The following TAFA5 variants were observed in gnomAD, a reference collection of about 807,000 sequenced individuals.
The protein encoded by TAFA5 is chemokine-like protein TAFA-5.
TAFA5 carries 6 observed loss-of-function variants against 15.3 expected under a neutral mutation model. The ratio of observed to expected loss-of-function variants is 0.39; its 90% confidence interval spans 0.21 to 0.77. TAFA5 has a LOEUF of 0.77. Ranked by LOEUF, TAFA5 falls within the 30% of genes least tolerant of loss-of-function variation. TAFA5 has a pLI of 0.41. For missense variants in TAFA5, 161 were observed against 193.1 expected (o/e 0.83, Z 0.98); for synonymous variants, 103 against 80.7 (o/e 1.28, Z -1.48).
chr22:48,750,376 C>G lies in TAFA5; in HGVS notation c.*529C>G, dbSNP rs1359521282. 1.3e-5 allele frequency: 2 copies of G among 154,006 alleles called. No homozygotes were observed. Among genetic ancestry groups the G allele is most frequent in the Admixed American group, 6.5e-5 (1 of 15,366 alleles). 9.5% of individuals were successfully genotyped at this position (154,006 alleles called of 1,614,324 possible). A position where few individuals can be genotyped will look rare whatever the true frequency, so the allele number is the denominator to read the frequency against. On this transcript the variant is annotated 3_prime_UTR_variant, in exon 4 of 4. Transcript: ENST00000402357. Reference sequence around the variant, plus strand: ...GGACGCACCCTCACTGTCAGGGTCCCTGGGGTCGCTTGTGCGGGCGGGAGG... The same window carrying G: ...GGACGCACCCTCACTGTCAGGGTCCGTGGGGTCGCTTGTGCGGGCGGGAGG...
intron 2 of TAFA5, among the ~76,000 whole-genome samples, chr22:48,650,314 A>G (rs190829720): frequency 4.1e-3 from 629 of 152,264 alleles, no homozygotes; most frequent in South Asian, 0.024. Context: ...TTAATTATTC[A>G]TACATTTGCT....
At chr22:48,625,945 T>G (rs75524370) in intron 1 of TAFA5, among the ~76,000 whole-genome samples, 4,577 of 152,354 alleles carry the variant, frequency 0.03, 99 homozygotes, top group Middle Eastern at 0.071. Flanking sequence ...GGATTCATAG[T>G]GCATGCAGCC....
chr22:48,745,505 G>A (rs1033329082), intron 3 of TAFA5, among the ~76,000 whole-genome samples: 4 of 151,072 alleles, frequency 2.6e-5, no homozygotes, highest in Admixed American at 2.6e-4. Context: ...GGTTCACCCT[G>A]AGCATGGGCA....
intron 1 of TAFA5, among the ~76,000 whole-genome samples, chr22:48,534,539 G>C (rs1922084836): frequency 6.6e-6 from 1 of 152,172 alleles, no homozygotes; most frequent in Non-Finnish European, 1.5e-5. Flanking sequence ...TGGAGGGCAG[G>C]GCCTGAGGGA....
intron 2 of TAFA5, among the ~76,000 whole-genome samples, chr22:48,695,107 G>A (rs1181807994): frequency 6.6e-6 from 1 of 151,918 alleles, no homozygotes; most frequent in Non-Finnish European, 1.5e-5. Context: ...GAGGCCAGGT[G>A]GTGTGTGTGT....
At position 48,742,707 on chromosome 22, in the gene TAFA5, G is replaced by A. The variant is rs1930216940; in HGVS notation, c.391-7132G>A. ...TGTGATGGACCAGGCGACGTGGTGG[G>A]CCGGGTGGTGTGGTGAAGCCGGCAG... On this transcript the variant is annotated intron_variant, in intron 3 of 3. Transcript: ENST00000402357. This position sits in a 1 kb window ranked among gnomAD's most constrained non-coding sequence, Gnocchi z 6.2. 6.6e-6 allele frequency among the ~76,000 whole-genome samples: 1 copy of A among 152,072 alleles called. No homozygotes were observed. Among genetic ancestry groups the A allele is most frequent in the Non-Finnish European group, 1.5e-5 (1 of 68,012 alleles).
At chr22:48,575,713 C>T (rs1030185085) in intron 1 of TAFA5, among the ~76,000 whole-genome samples, 5 of 144,948 alleles carry the variant, frequency 3.4e-5, no homozygotes, top group African/African-American at 1.2e-4. Context: ...GCTGGGAGCG[C>T]AGAGGCCGGC....
intron 1 of TAFA5, among the ~76,000 whole-genome samples, chr22:48,606,934 TCGCTTC>T: frequency 6.6e-6 from 1 of 151,690 alleles, no homozygotes; most frequent in African/African-American, 2.4e-5. Flanking sequence ...TGTCCAGGTT[TCGCTTC>T]CACTCTGTGC....
At chr22:48,707,968 GC>G in intron 3 of TAFA5, 124 bp downstream of exon 3, 4 of 1,313,874 alleles carry the variant, frequency 3.0e-6, no homozygotes, top group Non-Finnish European at 4.2e-6. Flanking sequence ...ATGCAGAGAG[GC>G]CAGGGCCCTG....
chr22:48,612,587 C>G (rs891106030), intron 1 of TAFA5, among the ~76,000 whole-genome samples: 1 of 152,126 alleles, frequency 6.6e-6, no homozygotes, highest in African/African-American at 2.4e-5. Flanking sequence ...GAGGTGCCCC[C>G]GCCCCACCTG....
intron 1 of TAFA5, among the ~76,000 whole-genome samples, chr22:48,532,672 G>A (rs142614489): frequency 6.6e-4 from 100 of 152,252 alleles, no homozygotes; most frequent in Non-Finnish European, 1.1e-3. Context: ...TAATGCAGCC[G>A]CCATCTCACA....
chr22:48,630,237 C>T (rs1447882022), intron 1 of TAFA5, among the ~76,000 whole-genome samples: 1 of 152,148 alleles, frequency 6.6e-6, no homozygotes, highest in African/African-American at 2.4e-5. Flanking sequence ...CGCTGCTGGG[C>T]ATCTCTGGTT....
At chr22:48,519,546 A>G (rs2147106272) in intron 1 of TAFA5, among the ~76,000 whole-genome samples, 1 of 151,616 alleles carries the variant, frequency 6.6e-6, no homozygotes, top group Non-Finnish European at 1.5e-5. Context: ...TTGAATGCAG[A>G]CTCGGGGTGT....
chr22:48,610,398 C>T (rs962450686), intron 1 of TAFA5, among the ~76,000 whole-genome samples: 2 of 152,252 alleles, frequency 1.3e-5, no homozygotes, highest in Non-Finnish European at 2.9e-5. Flanking sequence ...TCGCCTTGCG[C>T]CCTGGCCGGC....
At chr22:48,675,216 T>C (rs1048940378) in intron 2 of TAFA5, among the ~76,000 whole-genome samples, 2 of 152,200 alleles carry the variant, frequency 1.3e-5, no homozygotes, top group Non-Finnish European at 2.9e-5. Flanking sequence ...TCTGTGGCCT[T>C]TTAAGAAAAA....
At chr22:48,686,123 TC>T (rs898458233) in intron 2 of TAFA5, among the ~76,000 whole-genome samples, 1 of 152,118 alleles carries the variant, frequency 6.6e-6, no homozygotes, top group Admixed American at 6.5e-5. Context: ...CAAAGCTCCT[TC>T]CAGCGGGCAG....
intron 1 of TAFA5, among the ~76,000 whole-genome samples, chr22:48,522,265 T>A (rs1921628168): frequency 6.7e-6 from 1 of 149,106 alleles, no homozygotes. Context: ...GTGGCAGTTC[T>A]GGGCCTTGTA....
chr22:48,589,158 A>G (rs1036977121), intron 1 of TAFA5, among the ~76,000 whole-genome samples: 19 of 152,294 alleles, frequency 1.2e-4, no homozygotes, highest in Admixed American at 9.8e-4. Context: ...CTTGGGGACA[A>G]CCTTGATAGA....
intron 2 of TAFA5, among the ~76,000 whole-genome samples, chr22:48,704,305 G>GT (rs1465367467): frequency 4.6e-5 from 7 of 152,144 alleles, no homozygotes; most frequent in African/African-American, 1.7e-4. Flanking sequence ...GTTTCATCCT[G>GT]TAGCTTCCTC....
Sources: gnomAD v4.1 joint callset for allele counts (sites outside exome capture counted in the v4.1 genomes callset) on GRCh38, gnomAD v4.1.1 for gene constraint, Gnocchi (gnomAD v3.1) non-coding constraint, MANE v1.5 for transcripts, NCBI Gene and HGNC (gene_info 2026-07-23, HGNC 2026-07-21) for gene names.